Variants in NBEAL1 observed in about 807,000 individuals in gnomAD.
NBEAL1 encodes neurobeachin-like protein 1.
A neutral mutation model predicts 351.3 loss-of-function variants in NBEAL1; 273 were observed. That is an observed-to-expected ratio of 0.78 (90% confidence interval 0.70 to 0.86). The LOEUF is 0.86. Ranked by LOEUF, NBEAL1 falls within the 40% of genes least tolerant of loss-of-function variation. The pLI, the probability that NBEAL1 is intolerant of heterozygous loss-of-function variation, is 0.00. For synonymous variants in NBEAL1, 1,050 were observed against 1,086.4 expected (o/e 0.97, Z 0.66); for missense variants, 2,961 against 3,201.3 (o/e 0.92, Z 1.81).
rs1392968809 is a variant in NBEAL1 at position 203,220,778 on chromosome 2, C to T, written c.*3424C>T. 6.6e-6 allele frequency among the ~76,000 whole-genome samples: 1 copy of T among 152,084 alleles called. No homozygotes were observed. Among genetic ancestry groups the T allele is most frequent in the Non-Finnish European group, 1.5e-5 (1 of 67,986 alleles). On this transcript the variant is annotated 3_prime_UTR_variant, in exon 56 of 56. Coordinates refer to ENST00000683969, the MANE Select transcript of NBEAL1 (RefSeq NM_001378026.1). The stretch of plus-strand genomic sequence containing the variant: ...GAAAAATAGATCAGGGCATAAAAAT[C>T]AGGAAAGTATATAAAAATGAAGTTT...
At chr2:203,189,585 C>T (rs569438395) in intron 45 of NBEAL1, among the ~76,000 whole-genome samples, 2 of 151,970 alleles carry the variant, frequency 1.3e-5, no homozygotes, top group African/African-American at 4.8e-5. Context: ...TGAAGTCTCA[C>T]TTTGTTGTCC....
At position 203,199,325 on chromosome 2, in the gene NBEAL1, T is replaced by C. The variant is rs1286631619; in HGVS notation, c.7129-13T>C. The C allele has an allele frequency of 1.4e-6, 2 of 1,442,740 alleles. No individual in the cohort carries two copies. The highest frequency in any genetic ancestry group is 1.9e-6 in the Non-Finnish European group (2 of 1,030,708). The allele number at this position is 1,442,740 out of a possible 1,614,324, so 89.4% of individuals were successfully genotyped here. A position where few individuals can be genotyped will look rare whatever the true frequency, so the allele number is the denominator to read the frequency against. ...ATTTCATTTAATTTGAGTCTTCATA[T>C]GTTCTTTTCCAGATAACAATAAGCA... is the stretch of plus-strand genomic sequence containing the variant. On this transcript the variant is annotated splice_polypyrimidine_tract_variant and intron_variant, in intron 48 of 55. Transcript: ENST00000683969.
intron 35 of NBEAL1, 107 bp downstream of exon 35, chr2:203,151,696 G>A: frequency 9.2e-7 from 1 of 1,086,328 alleles, no homozygotes. Flanking sequence ...TGAAGGAAGG[G>A]TGGCATTTTA....
intron 51 of NBEAL1, among the ~76,000 whole-genome samples, chr2:203,203,307 A>AT (rs5837846): frequency 0.87 from 129,404 of 148,370 alleles, 57,335 homozygotes; most frequent in Non-Finnish European, 0.95. Context: ...ATGCCTGGCT[A>AT]TTTTTTTTTT....
rs768509990 is a variant in NBEAL1 at position 203,188,566 on chromosome 2, T to A, written c.6800T>A (p.Val2267Asp). 1.2e-6 allele frequency: 2 copies of A among 1,600,986 alleles called. No homozygotes were observed. Among genetic ancestry groups the A allele is most frequent in the East Asian group, 4.5e-5 (2 of 44,630 alleles). The change falls in exon 45 of 56, where the codon GTT becomes GAT. Residue 2267 changes from valine (V) to aspartate (D), a missense_variant. Coordinates refer to ENST00000683969, the MANE Select transcript of NBEAL1 (RefSeq NM_001378026.1). ...CCAGCTGCAGTAGAGGCACTCAACG[T>A]TTTCTATTATTGTAGTTATGAAGGT... ...RGPAAVEALN[V>D]FYYCSYEGAV... is the part of the protein sequence containing the mutation.
At chr2:203,152,623 C>T (rs1421919825) in intron 35 of NBEAL1, among the ~76,000 whole-genome samples, 1 of 151,842 alleles carries the variant, frequency 6.6e-6, no homozygotes, top group Non-Finnish European at 1.5e-5. Context: ...GACACTATTT[C>T]AAAACAGATC....
chr2:203,199,544 ATTT>A (rs373868583), intron 49 of NBEAL1, 97 bp downstream of exon 49: 2,824 of 474,214 alleles, frequency 6.0e-3, no homozygotes, highest in South Asian at 9.4e-3. Context: ...TGAAAGAAAT[ATTT>A]TTTTTTTTTT....
At chr2:203,145,221 T>C (rs2063481639) in intron 33 of NBEAL1, 61 bp downstream of exon 33, 1 of 1,461,110 alleles carries the variant, frequency 6.8e-7, no homozygotes, top group South Asian at 1.4e-5. Context: ...TTAATATTGA[T>C]TAAGAGTAAT....
chr2:203,129,511 C>A (rs1229538157), intron 24 of NBEAL1, among the ~76,000 whole-genome samples: 1 of 152,126 alleles, frequency 6.6e-6, no homozygotes, highest in Non-Finnish European at 1.5e-5. Flanking sequence ...ATAGCTGTAT[C>A]TATGATTCAT....
chr2:203,065,469 T>C (rs1414657267), intron 6 of NBEAL1, among the ~76,000 whole-genome samples: 1 of 152,076 alleles, frequency 6.6e-6, no homozygotes, highest in Non-Finnish European at 1.5e-5. Context: ...AGAAGCATGG[T>C]GGCTGGGGCG....
chr2:203,060,708 C>T (rs932909134), intron 6 of NBEAL1, among the ~76,000 whole-genome samples: 2 of 152,100 alleles, frequency 1.3e-5, no homozygotes, highest in African/African-American at 2.4e-5. Flanking sequence ...AACAATGAAC[C>T]GCTGATAAGC....
At chr2:203,161,012 G>T (rs2063938924) in intron 36 of NBEAL1, among the ~76,000 whole-genome samples, 1 of 152,062 alleles carries the variant, frequency 6.6e-6, no homozygotes, top group South Asian at 2.1e-4. Context: ...GAGCAACATG[G>T]TGAGACCCTC....
At chr2:203,086,671 A>C (rs1194722627) in intron 10 of NBEAL1, among the ~76,000 whole-genome samples, 2 of 152,076 alleles carry the variant, frequency 1.3e-5, no homozygotes, top group East Asian at 3.9e-4. Flanking sequence ...AATAGCTGGG[A>C]TTACAGGTGC....
rs2065947049 is a variant in NBEAL1 at position 203,220,885 on chromosome 2, C to G, written c.*3531C>G. 6.6e-6 allele frequency among the ~76,000 whole-genome samples: 1 copy of G among 152,220 alleles called. No individual in the cohort carries two copies. Among genetic ancestry groups the G allele is most frequent in the East Asian group, 1.9e-4 (1 of 5,178 alleles). ...TAATAACAAAATTAAAATCTGTTAA[C>G]TTTGTTTAGGTCACAGTGCAGTGCA... On this transcript the variant is annotated 3_prime_UTR_variant, in exon 56 of 56. Transcript: ENST00000683969.
Position 203,108,070 on chromosome 2 carries a change from C to T in NBEAL1, c.1831C>T (p.Pro611Ser). The change falls in exon 14 of 56, where the codon CCT becomes TCT. Residue 611 changes from proline (P) to serine (S), a missense_variant. Transcript: ENST00000683969. ...ACATAGTATGGCAGGAATTTCTGTG[C>T]CTCCCATACAGAAATGGCCAGGGTC... ...LSHSMAGISVPPIQKWPGSAF... is the reference protein window; with the variant it reads ...LSHSMAGISVSPIQKWPGSAF... 1 of 1,552,382 alleles carries T rather than the reference C, an allele frequency of 6.4e-7. No homozygotes were observed. Among genetic ancestry groups the T allele is most frequent in the Non-Finnish European group, 8.7e-7 (1 of 1,147,194 alleles).
chr2:203,087,288 T>C (rs2061983052), intron 10 of NBEAL1, among the ~76,000 whole-genome samples: 1 of 151,580 alleles, frequency 6.6e-6, no homozygotes, highest in African/African-American at 2.4e-5. Flanking sequence ...AGATGGGGTT[T>C]CACCACCTTG....
intron 18 of NBEAL1, among the ~76,000 whole-genome samples, chr2:203,118,965 AT>A (rs34515211): frequency 0.56 from 82,508 of 147,222 alleles, 24,891 homozygotes; most frequent in Middle Eastern, 0.74. Flanking sequence ...TTAAAGTTGG[AT>A]TTTTTTTTTT....
intron 21 of NBEAL1, 33 bp downstream of exon 21, chr2:203,126,126 A>G: frequency 6.7e-7 from 1 of 1,498,242 alleles, no homozygotes; most frequent in Non-Finnish European, 8.9e-7. Context: ...TGATGTAGCT[A>G]ATAATTGTGA....
intron 36 of NBEAL1, among the ~76,000 whole-genome samples, chr2:203,160,281 A>G (rs1424529637): frequency 6.6e-6 from 1 of 151,994 alleles, no homozygotes; most frequent in African/African-American, 2.4e-5. Context: ...GGATTTTGCC[A>G]TGTCGGCCAG....
Sources: gnomAD v4.1 joint callset for allele counts (sites outside exome capture counted in the v4.1 genomes callset) on GRCh38, gnomAD v4.1.1 for gene constraint, MANE v1.5 for transcripts, NCBI Gene and HGNC (gene_info 2026-07-23, HGNC 2026-07-21) for gene names.